TXNRD2: variants seen among roughly 807,000 people sequenced by gnomAD.
The protein encoded by TXNRD2 is thioredoxin reductase 2.
Under a neutral mutation model 70.8 loss-of-function variants are expected in TXNRD2, and 67 were observed. The ratio of observed to expected loss-of-function variants is 0.95; its 90% confidence interval spans 0.78 to 1.16. The LOEUF is 1.16. Ranked by LOEUF, TXNRD2 falls within the 50% of genes most tolerant of loss-of-function variation. The probability of loss-of-function intolerance (pLI) is 0.00; values close to 1 mark genes in which losing one functional copy is unlikely to be tolerated. For missense variants in TXNRD2, 644 were observed against 719.9 expected (o/e 0.89, Z 1.21); for synonymous variants, 301 against 295.8 (o/e 1.02, Z -0.18).
At chr22:19,907,166 G>C (rs1940073270) in intron 8 of TXNRD2, among the ~76,000 whole-genome samples, 1 of 113,764 alleles carries the variant, frequency 8.8e-6, no homozygotes, top group African/African-American at 3.4e-5. Context: ...GCTCTCAGGA[G>C]AGTGTGGGCG....
chr22:19,883,117 AGAAAG>A (rs1279956906), intron 12 of TXNRD2, among the ~76,000 whole-genome samples: 1 of 152,230 alleles, frequency 6.6e-6, no homozygotes, highest in African/African-American at 2.4e-5. Context: ...CTCCCACCAC[AGAAAG>A]GAAAGGAAAG....
intron 11 of TXNRD2, 27 bp from the exon 12 acceptor site, chr22:19,883,488 A>G (rs1938882723): frequency 6.2e-7 from 1 of 1,613,700 alleles, no homozygotes; most frequent in Admixed American, 1.7e-5. Flanking sequence ...GGGGGCTGAA[A>G]GGTTATCTTC....
At chr22:19,915,078 A>G in intron 7 of TXNRD2, 136 bp downstream of exon 7, 1 of 841,240 alleles carries the variant, frequency 1.2e-6, no homozygotes, top group Admixed American at 2.0e-5. Flanking sequence ...TGGAAAGCAG[A>G]AAGTGATGAT....
chr22:19,915,131 A>T lies in TXNRD2; in HGVS notation c.591+83T>A, dbSNP rs911298067. On this transcript the variant is annotated intron_variant, in intron 7 of 17. Coordinates refer to ENST00000400521, the MANE Select transcript of TXNRD2 (RefSeq NM_006440.5). ...AGGGTGTGCAAGCTGCTGCTGTGGG[A>T]AGCACGTGTGTAAAAACGTATCCCT... is the stretch of plus-strand genomic sequence containing the variant. 3.9e-6 allele frequency: 5 copies of T among 1,287,852 alleles called. No individual in the cohort carries two copies. The African/African-American group carries it at 5.9e-5, about 15-fold the overall frequency. 79.8% of individuals were successfully genotyped at this position (1,287,852 alleles called of 1,614,324 possible).
At chr22:19,896,690 G>A (rs972448815) in intron 10 of TXNRD2, among the ~76,000 whole-genome samples, 1 of 152,260 alleles carries the variant, frequency 6.6e-6, no homozygotes, top group Non-Finnish European at 1.5e-5. Context: ...GACTTGCACG[G>A]ACCAGCAGTG....
intron 12 of TXNRD2, chr22:19,880,926 T>C (rs1938747331): frequency 1.7e-6 from 1 of 598,856 alleles, no homozygotes; most frequent in East Asian, 2.8e-5. Context: ...ATTCTCCTGT[T>C]TGCTGCCCTC....
At chr22:19,876,734 G>C (rs996148261) in intron 17 of TXNRD2, 1 of 174,884 alleles carries the variant, frequency 5.7e-6, no homozygotes, top group East Asian at 1.5e-4. Flanking sequence ...GCCCACCCGG[G>C]ACACCTTCCA....
At chr22:19,903,612 G>A (rs1282824391) in intron 8 of TXNRD2, among the ~76,000 whole-genome samples, 4 of 152,326 alleles carry the variant, frequency 2.6e-5, no homozygotes, top group African/African-American at 9.6e-5. Flanking sequence ...AAGATTGTGC[G>A]GCTGTGGGAC....
intron 2 of TXNRD2, among the ~76,000 whole-genome samples, chr22:19,927,006 T>C (rs1350741610): frequency 6.6e-6 from 1 of 151,864 alleles, no homozygotes; most frequent in East Asian, 1.9e-4. Context: ...ATAAATATAA[T>C]CCCTTGACCG....
At chr22:19,919,705 T>C in intron 2 of TXNRD2, 106 bp from the exon 3 acceptor site, 3 of 995,284 alleles carry the variant, frequency 3.0e-6, no homozygotes, top group Non-Finnish European at 2.9e-6. Context: ...GGGCAGGGCC[T>C]GGGCCTGCGG....
At chr22:19,895,173 G>A in intron 11 of TXNRD2, 2 of 1,598,472 alleles carry the variant, frequency 1.3e-6, no homozygotes, top group Middle Eastern at 1.7e-4. Flanking sequence ...TCCCACGGTG[G>A]TGGGGAGACA....
chr22:19,939,510 G>C (rs182616757), intron 1 of TXNRD2, among the ~76,000 whole-genome samples: 6 of 152,150 alleles, frequency 3.9e-5, no homozygotes, highest in Non-Finnish European at 5.9e-5. Flanking sequence ...TATTCTTATT[G>C]GGCTTATGTG....
chr22:19,915,717 T>C, intron 6 of TXNRD2, 48 bp downstream of exon 6: 2 of 1,553,120 alleles, frequency 1.3e-6, no homozygotes, highest in Non-Finnish European at 8.9e-7. Flanking sequence ...GTGCCCAAGG[T>C]CTGCAGAAGG....
At chr22:19,914,771 T>TTACCTAAAAAA in intron 7 of TXNRD2, 1 of 280,554 alleles carries the variant, frequency 3.6e-6, no homozygotes, top group South Asian at 3.6e-5. Flanking sequence ...ACCACTGAAT[T>TTACCTAAAAAA]GTACCCTAAA....
chr22:19,915,083 G>A, intron 7 of TXNRD2, 131 bp downstream of exon 7: 1 of 857,968 alleles, frequency 1.2e-6, no homozygotes, highest in Non-Finnish European at 1.9e-6. Flanking sequence ...AGCAGAAAGT[G>A]ATGATAGTGA....
At chr22:19,899,005 T>C in intron 9 of TXNRD2, 44 bp downstream of exon 9, 1 of 1,602,954 alleles carries the variant, frequency 6.2e-7, no homozygotes, top group Non-Finnish European at 8.5e-7. Context: ...AGGGAAGGAG[T>C]GTCCAGTTCC....
At chr22:19,930,608 G>A (rs1941320029) in intron 2 of TXNRD2, among the ~76,000 whole-genome samples, 1 of 152,194 alleles carries the variant, frequency 6.6e-6, no homozygotes, top group Non-Finnish European at 1.5e-5. Flanking sequence ...ACAAGCAGGA[G>A]GGTGCAGCTC....
At position 19,915,243 on chromosome 22, in the gene TXNRD2, T is replaced by C; in HGVS notation, c.562A>G (p.Thr188Ala). The stretch of plus-strand genomic sequence containing the variant: ...GTGGGGTATCTCGGCCGCCCTCCAG[T>C]AGCAATGATGATGTGATCGGCTGAC... Reference protein sequence around the residue: ...LLSADHIIIATGGRPRYPTHI... With the variant: ...LLSADHIIIAAGGRPRYPTHI... Residue 188 changes from threonine to alanine, a missense_variant, in exon 7 of 18, where the codon ACT (threonine) becomes GCT (alanine). Thr to Ala is a moderately conservative substitution (Grantham distance 58). Transcript: ENST00000400521. 6.2e-7 allele frequency: 1 copy of C among 1,613,750 alleles called. No homozygotes were observed. Among genetic ancestry groups the C allele is most frequent in the African/African-American group, 1.3e-5 (1 of 74,988 alleles).
At chr22:19,917,097 G>A (rs1385653117) in intron 5 of TXNRD2, among the ~76,000 whole-genome samples, 1 of 152,184 alleles carries the variant, frequency 6.6e-6, no homozygotes, top group Admixed American at 6.5e-5. Flanking sequence ...GGACACAGCC[G>A]GGCAATGCTC....
Sources: allele counts gnomAD v4.1 joint callset (sites outside exome capture counted in the v4.1 genomes callset), GRCh38; gene constraint gnomAD v4.1.1; transcripts MANE v1.5; gene names NCBI Gene and HGNC (gene_info 2026-07-23, HGNC 2026-07-21).